Variants in MPDZ observed in about 807,000 individuals in gnomAD.
MPDZ encodes the protein multiple PDZ domain protein.
MPDZ carries 234 observed loss-of-function variants against 239.1 expected under a neutral mutation model. The ratio of observed to expected loss-of-function variants is 0.98; its 90% confidence interval spans 0.88 to 1.09. MPDZ has a LOEUF of 1.09. Among genes scored for constraint, MPDZ ranks in the 50% least tolerant of loss-of-function variants. MPDZ has a pLI of 0.00. For synonymous variants in MPDZ, 1,048 were observed against 881.3 expected (o/e 1.19, Z -3.35); for missense variants, 3,175 against 2,510.0 (o/e 1.26, Z -5.66).
chr9:13,237,740 T>G (rs1018019238), intron 3 of MPDZ, among the ~76,000 whole-genome samples: 4 of 152,142 alleles, frequency 2.6e-5, no homozygotes, highest in African/African-American at 9.7e-5. Context: ...AAGTGAAAAT[T>G]AGAATTTTAG....
intron 1 of MPDZ, among the ~76,000 whole-genome samples, chr9:13,266,484 G>A (rs1971818957): frequency 6.6e-6 from 1 of 152,142 alleles, no homozygotes; most frequent in African/African-American, 2.4e-5. Flanking sequence ...AATACTTTTG[G>A]TGGAGTATTT....
Position 13,106,856 on chromosome 9 carries a change from A to C in MPDZ, c.*109T>G. On this transcript the variant is annotated 3_prime_UTR_variant, in exon 47 of 47. Transcript: ENST00000319217. ...AACTTAAGTGTTATTTCCCCCCTAC[A>C]GTTTTGAAGACCCGGCTGAACACAG... The C allele has an allele frequency of 8.2e-7, 1 of 1,220,588 alleles. No individual in the cohort carries two copies. 75.6% of individuals were successfully genotyped at this position (1,220,588 alleles called of 1,614,324 possible).
chr9:13,127,393 A>G (rs910652128), intron 32 of MPDZ, among the ~76,000 whole-genome samples: 9 of 152,168 alleles, frequency 5.9e-5, no homozygotes, highest in African/African-American at 2.2e-4. Flanking sequence ...ACTTCGCTAC[A>G]TTTTCCACAT....
intron 28 of MPDZ, among the ~76,000 whole-genome samples, chr9:13,139,184 C>A (rs889064904): frequency 2.0e-5 from 3 of 152,218 alleles, no homozygotes; most frequent in Non-Finnish European, 4.4e-5. Flanking sequence ...TATTTCCTGA[C>A]TCCTTCCACA....
rs776631013 is a variant in MPDZ, at chr9:13,176,118, A to G, written c.2931+18T>C. ...CCTATCTCATCATAAAACACAAACC[A>G]TATCTTTAAAATATTACCTTTCCAG... On this transcript the variant is annotated intron_variant, in intron 20 of 46. Coordinates refer to ENST00000319217, the MANE Select transcript of MPDZ (RefSeq NM_001378778.1). The G allele has an allele frequency of 7.1e-6, 11 of 1,556,656 alleles. No homozygotes were observed. Among genetic ancestry groups the G allele is most frequent in the South Asian group, 3.7e-5 (3 of 81,772 alleles).
At chr9:13,218,721 A>G (rs1958678686) in intron 8 of MPDZ, among the ~76,000 whole-genome samples, 1 of 151,964 alleles carries the variant, frequency 6.6e-6, no homozygotes. Flanking sequence ...TTTTACATCT[A>G]TGGGAAAAGA....
chr9:13,180,556 T>A (rs1048022732), intron 19 of MPDZ, among the ~76,000 whole-genome samples: 2 of 152,054 alleles, frequency 1.3e-5, no homozygotes, highest in Non-Finnish European at 2.9e-5. Flanking sequence ...GAAAAAAAAA[T>A]GTTCTAAAAA....
rs1341172293 is a variant in MPDZ, at chr9:13,159,806, C to T, written c.3360-1696G>A. Among the ~76,000 whole-genome samples the T allele has an allele frequency of 5.9e-5, 9 of 152,078 alleles. 1 individual carries two copies. Among genetic ancestry groups the T allele is most frequent in the Non-Finnish European group, 1.3e-4 (9 of 68,002 alleles). ...CTATAATCTTGAATCCTTTCGCAAA[C>T]CCCATATATGCTCCTCTATAGGTGC... is the stretch of plus-strand genomic sequence containing the variant. On this transcript the variant is annotated intron_variant, in intron 23 of 46. Coordinates refer to ENST00000319217, the MANE Select transcript of MPDZ (RefSeq NM_001378778.1).
intron 12 of MPDZ, among the ~76,000 whole-genome samples, chr9:13,196,465 A>G (rs933655686): frequency 2.6e-5 from 4 of 152,162 alleles, no homozygotes; most frequent in Non-Finnish European, 5.9e-5. Flanking sequence ...TACCTCCATT[A>G]AAGTGCCCAT....
At chr9:13,167,016 G>C (rs1951166193) in intron 22 of MPDZ, among the ~76,000 whole-genome samples, 1 of 152,024 alleles carries the variant, frequency 6.6e-6, no homozygotes, top group Admixed American at 6.6e-5. Flanking sequence ...CAGCAGACTG[G>C]TATCAGCACA....
rs745439826 is a variant in MPDZ, at chr9:13,143,469, G to C, written c.3837C>G (p.Asp1279Glu). 2 of 1,610,618 alleles carry C rather than the reference G, an allele frequency of 1.2e-6. No individual in the cohort carries two copies. The highest frequency in any genetic ancestry group is 1.1e-5 in the South Asian group (1 of 90,936). Residue 1279 changes from aspartate (D) to glutamate (E), a missense_variant, in exon 27 of 47, where the codon GAC becomes GAG. Coordinates refer to ENST00000319217, the MANE Select transcript of MPDZ (RefSeq NM_001378778.1). ...PFADSLQINA[D>E]KAPSQSESEP... Reference sequence around the variant, plus strand: ...AAGACAATGGGCATTATCCAACCTTGTCGGCGTTGATTTGTAGAGAGTCAG... The same window carrying C: ...AAGACAATGGGCATTATCCAACCTTCTCGGCGTTGATTTGTAGAGAGTCAG...
At position 13,247,690 on chromosome 9, in the gene MPDZ, G is replaced by A; in HGVS notation, c.128C>T (p.Pro43Leu). The A allele has an allele frequency of 1.2e-6, 2 of 1,613,480 alleles. No homozygotes were observed. Among genetic ancestry groups the A allele is most frequent in the Non-Finnish European group, 1.7e-6 (2 of 1,179,542 alleles). ...AAGGCTCAGAATCTGACTGAAGAGAGGGCTCTGCAGGACTGACTTCAGAAG... is the reference window on the plus strand; with the variant it reads ...AAGGCTCAGAATCTGACTGAAGAGAAGGCTCTGCAGGACTGACTTCAGAAG... ...LSLLKSVLQS[P>L]LFSQILSLQT... Residue 43 changes from proline to leucine, a missense_variant, in exon 3 of 47, where the codon CCT (proline) becomes CTT (leucine). Physicochemically the swap from Pro to Leu is moderately conservative, Grantham distance 98. Transcript: ENST00000319217.
chr9:13,145,292 A>G (rs1367097821), intron 26 of MPDZ, among the ~76,000 whole-genome samples: 1 of 152,206 alleles, frequency 6.6e-6, no homozygotes. Context: ...CACAGGGAAG[A>G]CAAAAACATT....
At chr9:13,266,317 T>C (rs1395087497) in intron 1 of MPDZ, among the ~76,000 whole-genome samples, 2 of 152,190 alleles carry the variant, frequency 1.3e-5, no homozygotes, top group Admixed American at 1.3e-4. Flanking sequence ...TTTAATGTGG[T>C]TGTTTTTCTC....
chr9:13,263,986 T>G (rs1272875864), intron 1 of MPDZ, among the ~76,000 whole-genome samples: 1 of 152,158 alleles, frequency 6.6e-6, no homozygotes, highest in African/African-American at 2.4e-5. Flanking sequence ...AATCACTACA[T>G]TGACCAAGAA....
intron 3 of MPDZ, among the ~76,000 whole-genome samples, chr9:13,229,369 T>G (rs1961669897): frequency 6.6e-6 from 1 of 151,974 alleles, no homozygotes; most frequent in Admixed American, 6.6e-5. Context: ...TAGAATGGCA[T>G]ATCATAGCAA....
At chr9:13,149,627 C>T (rs957433873) in intron 25 of MPDZ, among the ~76,000 whole-genome samples, 3 of 152,030 alleles carry the variant, frequency 2.0e-5, no homozygotes, top group Admixed American at 6.6e-5. Flanking sequence ...AGGCACAGTG[C>T]CTTGTTTACT....
intron 15 of MPDZ, 44 bp downstream of exon 15, chr9:13,192,087 T>C (rs1298023878): frequency 3.5e-6 from 5 of 1,445,072 alleles, no homozygotes; most frequent in Non-Finnish European, 4.6e-6. Flanking sequence ...ATTTAGCCTT[T>C]CCATTATATA....
chr9:13,214,390 G>A (rs1033304253), intron 10 of MPDZ, among the ~76,000 whole-genome samples: 2 of 151,956 alleles, frequency 1.3e-5, no homozygotes, highest in Non-Finnish European at 2.9e-5. Context: ...GAGACAGAAA[G>A]TAGATTGGTG....
Sources: gnomAD v4.1 joint callset for allele counts (sites outside exome capture counted in the v4.1 genomes callset) on GRCh38, gnomAD v4.1.1 for gene constraint, MANE v1.5 for transcripts, NCBI Gene and HGNC (gene_info 2026-07-23, HGNC 2026-07-21) for gene names.